Variants in RORA observed in about 807,000 individuals in gnomAD.
RORA encodes RAR related orphan receptor A.
In RORA, 7 loss-of-function variants were observed where a neutral mutation model predicts 69.5. The ratio of observed to expected loss-of-function variants is 0.10; its 90% CI spans 0.06 to 0.19. The LOEUF is 0.19. Among genes scored for constraint, RORA ranks in the 10% least tolerant of loss-of-function variants. The pLI, the probability that RORA is intolerant of heterozygous loss-of-function variation, is 1.00. For missense variants in RORA, 457 were observed against 663.0 expected, an observed-to-expected ratio of 0.69 and a Z score of 3.41; for synonymous variants, 261 against 240.8, an observed-to-expected ratio of 1.08 and a Z score of -0.78.
intron 1 of RORA, among the ~76,000 whole-genome samples, chr15:60,801,831 G>C (rs1235086750): frequency 1.3e-5 from 2 of 152,108 alleles, no homozygotes; most frequent in Admixed American, 6.5e-5. Flanking sequence ...TTAACTGTAT[G>C]GTATAAAATT....
chr15:60,749,963 G>A (rs192187648), intron 1 of RORA, among the ~76,000 whole-genome samples: 17 of 152,306 alleles, frequency 1.1e-4, no homozygotes, highest in Admixed American at 9.2e-4. Context: ...CTGGAATGTC[G>A]AGGCTGCGGT....
intron 1 of RORA, among the ~76,000 whole-genome samples, chr15:61,066,236 C>G (rs1469151716): frequency 1.3e-5 from 2 of 152,110 alleles, no homozygotes; most frequent in East Asian, 3.9e-4. Flanking sequence ...ATTGTGGAAC[C>G]AGAAAGGAAC....
intron 1 of RORA, among the ~76,000 whole-genome samples, chr15:60,870,528 G>A (rs896738089): frequency 1.3e-5 from 2 of 152,194 alleles, no homozygotes; most frequent in African/African-American, 4.8e-5. Context: ...TAGAGCAGAG[G>A]GGCGTCTTTA....
At chr15:60,769,227 G>C (rs900367195) in intron 1 of RORA, among the ~76,000 whole-genome samples, 3 of 152,182 alleles carry the variant, frequency 2.0e-5, no homozygotes, top group African/African-American at 7.2e-5. Flanking sequence ...CTTTAATTGA[G>C]TTAGAATGAA....
intron 1 of RORA, among the ~76,000 whole-genome samples, chr15:60,853,090 G>T (rs938430067): frequency 6.6e-6 from 1 of 152,146 alleles, no homozygotes; most frequent in South Asian, 2.1e-4. Flanking sequence ...CAATCTCTCT[G>T]CTCAGAGTTC....
intron 1 of RORA, among the ~76,000 whole-genome samples, chr15:60,902,281 A>AT (rs943016626): frequency 2.9e-3 from 314 of 108,580 alleles, no homozygotes; most frequent in Non-Finnish European, 5.3e-3. Context: ...CAATTTTATG[A>AT]TTTTTTTTTT....
intron 1 of RORA, among the ~76,000 whole-genome samples, chr15:60,970,730 C>T (rs1893689619): frequency 6.6e-6 from 1 of 152,186 alleles, no homozygotes; most frequent in Non-Finnish European, 1.5e-5. Context: ...CCCAGCTTAC[C>T]AGTAATTATC....
chr15:60,952,674 G>A (rs1893145314), intron 1 of RORA, among the ~76,000 whole-genome samples: 1 of 152,076 alleles, frequency 6.6e-6, no homozygotes, highest in South Asian at 2.1e-4. Flanking sequence ...CAAATCATGA[G>A]TGAACTCCCA....
chr15:61,210,208 T>C (rs541989040), intron 1 of RORA, among the ~76,000 whole-genome samples: 2 of 152,182 alleles, frequency 1.3e-5, no homozygotes, highest in Admixed American at 6.5e-5. Flanking sequence ...AAGCTCAGAA[T>C]TGAAGTATAC....
intron 1 of RORA, among the ~76,000 whole-genome samples, chr15:60,918,921 T>C (rs140790713): frequency 8.5e-5 from 13 of 152,298 alleles, no homozygotes; most frequent in African/African-American, 2.9e-4. Flanking sequence ...GTGCTTGAGC[T>C]AAGGGGTACG....
chr15:60,607,837 G>A (rs1358695534), intron 2 of RORA, among the ~76,000 whole-genome samples: 2 of 152,158 alleles, frequency 1.3e-5, no homozygotes, highest in Admixed American at 1.3e-4. Context: ...AGCAGTTAAA[G>A]CAAGTTCAAT....
chr15:60,953,495 T>A (rs1595842858), intron 1 of RORA, among the ~76,000 whole-genome samples: 1 of 14,118 alleles, frequency 7.1e-5, no homozygotes, highest in African/African-American at 1.7e-4. Flanking sequence ...ACCATCAGAG[T>A]GAACAGGCAA....
Position 60,790,927 on chromosome 15 carries a change from T to C in RORA, c.167-112241A>G, listed in dbSNP as rs2072407412. On this transcript the variant is annotated intron_variant, in intron 1 of 10. Transcript: ENST00000335670. ...CACCATCATGGTAACGTTTTTCTCT[T>C]CAGAAATGTCTATGACCTTCAGAGG... Among the ~76,000 whole-genome samples, 7 of 152,134 alleles carry C rather than the reference T, an allele frequency of 4.6e-5. No individual in the cohort carries two copies. In the South Asian group the frequency reaches 1.4e-3, roughly 31 times the overall value.
At chr15:60,855,243 A>C (rs1299659358) in intron 1 of RORA, among the ~76,000 whole-genome samples, 1 of 152,204 alleles carries the variant, frequency 6.6e-6, no homozygotes, top group Non-Finnish European at 1.5e-5. Context: ...CTGGCCTTTC[A>C]TGTTGCAAAC....
rs1019692281 is a variant in RORA, at chr15:61,228,241, G to A, written c.166+812C>T. 1.3e-5 allele frequency among the ~76,000 whole-genome samples: 2 copies of A among 152,152 alleles called. 1 individual carries two copies. Among genetic ancestry groups the A allele is most frequent in the South Asian group, 4.1e-4 (2 of 4,834 alleles). ...TTTTGTAGACGCTCCCTCCGGATGCGCGTGGAGCGCCCCACAGGACCGCCG... is the reference window on the plus strand; with the variant it reads ...TTTTGTAGACGCTCCCTCCGGATGCACGTGGAGCGCCCCACAGGACCGCCG... On this transcript the variant is annotated intron_variant, in intron 1 of 10. Transcript: ENST00000335670.
intron 1 of RORA, among the ~76,000 whole-genome samples, chr15:61,051,750 T>A (rs1389827705): frequency 6.6e-6 from 1 of 152,212 alleles, no homozygotes; most frequent in Non-Finnish European, 1.5e-5. Flanking sequence ...TGCAAAGGAA[T>A]CTGAAGTCTC....
At chr15:60,569,144 G>A (rs1374248110) in intron 2 of RORA, among the ~76,000 whole-genome samples, 2 of 151,718 alleles carry the variant, frequency 1.3e-5, no homozygotes, top group African/African-American at 4.8e-5. Context: ...CAACGAAAGT[G>A]CCTTGTTCAT....
intron 1 of RORA, among the ~76,000 whole-genome samples, chr15:60,762,255 A>C (rs1033304386): frequency 6.6e-6 from 1 of 152,178 alleles, no homozygotes; most frequent in Non-Finnish European, 1.5e-5. Context: ...AACTAAAACG[A>C]GGGGATTCCA....
rs373218502 is a variant in RORA, at chr15:60,974,291, A to G, written c.166+254762T>C. Among the ~76,000 whole-genome samples, 3 of 152,182 alleles carry G rather than the reference A, an allele frequency of 2.0e-5. No individual in the cohort carries two copies. The South Asian group carries it at 6.2e-4, about 31-fold the overall frequency. On this transcript the variant is annotated intron_variant, in intron 1 of 10. Transcript: ENST00000335670. The stretch of plus-strand genomic sequence containing the variant: ...TTGATGAAGGGAGCTGTCATAGGAA[A>G]TATGAAGACTGTGTCTGTATCTGAA...
Sources: allele counts gnomAD v4.1 joint callset (sites outside exome capture counted in the v4.1 genomes callset), GRCh38; gene constraint gnomAD v4.1.1; transcripts MANE v1.5; gene names NCBI Gene and HGNC (gene_info 2026-07-23, HGNC 2026-07-21).